The following NFAT5 variants were observed in gnomAD, a reference collection of about 807,000 sequenced individuals.
The protein encoded by NFAT5 is nuclear factor of activated T-cells 5.
In NFAT5, 31 loss-of-function variants were observed where a neutral mutation model predicts 166.5. That is an observed-to-expected ratio of 0.19 (90% CI 0.14 to 0.25). NFAT5 has a LOEUF of 0.25. Among genes scored for constraint, NFAT5 ranks in the 10% least tolerant of loss-of-function variants. NFAT5 has a pLI of 1.00. For synonymous variants in NFAT5, 612 were observed against 639.7 expected, an observed-to-expected ratio of 0.96 and a Z score of 0.65; for missense variants, 1,449 against 1,821.8, an observed-to-expected ratio of 0.80 and a Z score of 3.72.
intron 1 of NFAT5, among the ~76,000 whole-genome samples, chr16:69,568,039 G>A (rs943596990): frequency 6.6e-6 from 1 of 152,146 alleles, no homozygotes; most frequent in East Asian, 1.9e-4. Flanking sequence ...TTGGCCGGGC[G>A]CAGTGGCTCA....
chr16:69,673,727 A>C (rs1031443051), intron 9 of NFAT5, among the ~76,000 whole-genome samples: 3 of 152,098 alleles, frequency 2.0e-5, no homozygotes, highest in African/African-American at 7.2e-5. Context: ...TCTCAAACAA[A>C]AAAAAAAGAC....
At chr16:69,687,677 C>T (rs1196098277) in intron 11 of NFAT5, among the ~76,000 whole-genome samples, 1 of 152,074 alleles carries the variant, frequency 6.6e-6, no homozygotes, top group East Asian at 1.9e-4. Flanking sequence ...ATAAGCATTA[C>T]TATCTAAATA....
intron 11 of NFAT5, 195 bp downstream of exon 11, chr16:69,685,165 TG>T: frequency 1.8e-5 from 3 of 163,730 alleles, no homozygotes; most frequent in East Asian, 1.4e-4. Context: ...TTGCTGAATA[TG>T]TTTTTATATA....
intron 12 of NFAT5, 128 bp from the exon 13 acceptor site, chr16:69,691,621 A>G: frequency 1.5e-6 from 1 of 679,460 alleles, no homozygotes; most frequent in East Asian, 2.8e-5. Context: ...CTGTTTTCTA[A>G]ATGATAATAA....
chr16:69,652,520 G>T (rs1006356875), intron 4 of NFAT5, among the ~76,000 whole-genome samples: 1 of 151,396 alleles, frequency 6.6e-6, no homozygotes, highest in Non-Finnish European at 1.5e-5. Flanking sequence ...TTTTATTGAG[G>T]GCTTTAATTA....
At chr16:69,653,671 G>T (rs1306781074) in intron 5 of NFAT5, among the ~76,000 whole-genome samples, 1 of 151,438 alleles carries the variant, frequency 6.6e-6, no homozygotes, top group Non-Finnish European at 1.5e-5. Flanking sequence ...TGCCTCCGGG[G>T]TGCAAGTAAT....
At chr16:69,671,492 T>A (rs2036619271) in intron 9 of NFAT5, among the ~76,000 whole-genome samples, 1 of 152,234 alleles carries the variant, frequency 6.6e-6, no homozygotes, top group African/African-American at 2.4e-5. Context: ...TGTCTCAGCC[T>A]CCTGAGTAAC....
In NFAT5 at chr16:69,704,260, A is replaced by C. The variant is rs1198821319; in HGVS notation, c.*7909A>C. ...TGACAACTTTAAATGAGTTTCATTC[A>C]CTTCTTTTACTTAATGTTTTAAGTA... On this transcript the variant is annotated 3_prime_UTR_variant, in exon 15 of 15. Transcript: ENST00000349945. 6.6e-6 allele frequency: 1 copy of C among 152,638 alleles called. No individual in the cohort carries two copies. The highest frequency in any genetic ancestry group is 2.4e-5 in the African/African-American group (1 of 41,466). The allele number at this position is 152,638 out of a possible 1,614,324, so 9.5% of individuals were successfully genotyped here. A position where few individuals can be genotyped will look rare whatever the true frequency, so the allele number is the denominator to read the frequency against.
chr16:69,583,950 T>G (rs1222947748), intron 2 of NFAT5, among the ~76,000 whole-genome samples: 1 of 152,050 alleles, frequency 6.6e-6, no homozygotes, highest in Non-Finnish European at 1.5e-5. Context: ...TGGGGCCAGT[T>G]GCGGTGGCTC....
chr16:69,675,893 G>A (rs963800154), intron 9 of NFAT5, among the ~76,000 whole-genome samples: 8 of 152,038 alleles, frequency 5.3e-5, no homozygotes, highest in Admixed American at 1.3e-4. Context: ...TGCCCACCTC[G>A]GCCTCCCAAA....
chr16:69,646,855 C>A (rs1194965760), intron 3 of NFAT5, among the ~76,000 whole-genome samples, 173 bp from the exon 4 acceptor site: 1 of 152,048 alleles, frequency 6.6e-6, no homozygotes, highest in African/African-American at 2.4e-5. Flanking sequence ...TTAAAAATTC[C>A]ATTTCTTAGG....
chr16:69,684,745 A>G, intron 10 of NFAT5, 142 bp from the exon 11 acceptor site: 1 of 590,784 alleles, frequency 1.7e-6, no homozygotes, highest in Non-Finnish European at 2.9e-6. Flanking sequence ...TTTAGAGGAT[A>G]GAAATTTACC....
intron 3 of NFAT5, among the ~76,000 whole-genome samples, chr16:69,639,775 C>G (rs1389988426): frequency 6.6e-6 from 1 of 152,002 alleles, no homozygotes; most frequent in African/African-American, 2.4e-5. Context: ...TTCCACGCTT[C>G]AAAAGAGTTT....
intron 2 of NFAT5, among the ~76,000 whole-genome samples, chr16:69,575,305 C>T (rs1322620933): frequency 6.6e-6 from 1 of 151,878 alleles, no homozygotes; most frequent in Non-Finnish European, 1.5e-5. Context: ...GTAGCTGGGA[C>T]TACAGGTGCA....
intron 11 of NFAT5, among the ~76,000 whole-genome samples, chr16:69,688,324 T>A (rs1362790437): frequency 6.6e-6 from 1 of 151,234 alleles, no homozygotes; most frequent in Non-Finnish European, 1.5e-5. Flanking sequence ...AATGAATGAA[T>A]GAATGAATAT....
At chr16:69,593,428 A>G (rs2032595618) in intron 2 of NFAT5, among the ~76,000 whole-genome samples, 1 of 152,000 alleles carries the variant, frequency 6.6e-6, no homozygotes, top group Admixed American at 6.6e-5. Flanking sequence ...CTCCCACCTC[A>G]GCCTTCCAAG....
intron 7 of NFAT5, among the ~76,000 whole-genome samples, chr16:69,667,494 T>TAA (rs57015431): frequency 4.0e-5 from 5 of 125,936 alleles, no homozygotes; most frequent in African/African-American, 1.1e-4. Context: ...TTGCAGAAAC[T>TAA]AAAAAAAAAA....
At chr16:69,610,829 A>G (rs1003664792) in intron 2 of NFAT5, among the ~76,000 whole-genome samples, 3 of 152,110 alleles carry the variant, frequency 2.0e-5, no homozygotes, top group Non-Finnish European at 4.4e-5. Flanking sequence ...CCATTCTTGC[A>G]TGGCCCTCTA....
intron 7 of NFAT5, among the ~76,000 whole-genome samples, chr16:69,669,294 C>T (rs1278379534): frequency 6.6e-6 from 1 of 152,160 alleles, no homozygotes; most frequent in Non-Finnish European, 1.5e-5. Context: ...GTGGCTCATG[C>T]CTGAATCCCA....
Sources: allele counts gnomAD v4.1 joint callset (sites outside exome capture counted in the v4.1 genomes callset), GRCh38; gene constraint gnomAD v4.1.1; transcripts MANE v1.5; gene names NCBI Gene and HGNC (gene_info 2026-07-23, HGNC 2026-07-21).